Variants in ZNF407 observed in about 807,000 individuals in gnomAD.
ZNF407 encodes the protein zinc finger protein 407.
ZNF407 carries 17 observed loss-of-function variants against 131.2 expected under a neutral mutation model. The observed-to-expected ratio is 0.13, with a 90% CI of 0.09 to 0.19. The LOEUF (loss-of-function observed/expected upper bound fraction) is 0.19, where lower values mean the gene tolerates loss of function less well. Among genes scored for constraint, ZNF407 ranks in the 10% least tolerant of loss-of-function variants. The probability of loss-of-function intolerance (pLI) is 1.00; values close to 1 mark genes in which losing one functional copy is unlikely to be tolerated. For synonymous variants in ZNF407, 1,156 were observed against 1,062.0 expected (o/e 1.09, Z -1.72); for missense variants, 2,681 against 2,830.6 (o/e 0.95, Z 1.20).
chr18:75,012,316 T>C lies in ZNF407; in HGVS notation c.5429-50834T>C, dbSNP rs570683469. ...ACATAGTGTATGTACACATAGTGTA[T>C]GTACACATAGTGTATGTACACATAG... On this transcript the variant is annotated intron_variant, in intron 8 of 8. Coordinates refer to ENST00000299687, the MANE Select transcript of ZNF407 (RefSeq NM_017757.3). Among the ~76,000 whole-genome samples the C allele has an allele frequency of 6.0e-4, 61 of 101,842 alleles. 1 individual carries two copies. Among genetic ancestry groups the C allele is most frequent in the African/African-American group, 7.7e-4 (22 of 28,694 alleles). 66.8% of individuals were successfully genotyped at this position (101,842 alleles called of 152,430 possible).
chr18:74,822,262 T>C (rs1048141780), intron 4 of ZNF407, among the ~76,000 whole-genome samples: 6 of 152,210 alleles, frequency 3.9e-5, no homozygotes, highest in Non-Finnish European at 7.3e-5. Flanking sequence ...AGAAGCTCTT[T>C]AGTTTAATTA....
chr18:74,639,731 C>T (rs530654847), intron 2 of ZNF407, among the ~76,000 whole-genome samples: 1 of 152,102 alleles, frequency 6.6e-6, no homozygotes, highest in Non-Finnish European at 1.5e-5. Context: ...TCTGCCGGTG[C>T]TTAGTACTGT....
At chr18:74,816,660 T>C (rs897545716) in intron 4 of ZNF407, among the ~76,000 whole-genome samples, 1 of 152,254 alleles carries the variant, frequency 6.6e-6, no homozygotes, top group African/African-American at 2.4e-5. Context: ...ATATGACATT[T>C]GTCATTTAAA....
intron 1 of ZNF407, among the ~76,000 whole-genome samples, chr18:74,609,328 A>G (rs916040137): frequency 2.0e-5 from 3 of 152,188 alleles, no homozygotes; most frequent in African/African-American, 7.2e-5. Flanking sequence ...CAGAGTATAC[A>G]AACCTAGATG....
In ZNF407 at chr18:74,691,096, TG is replaced by T. The variant is rs572542404; in HGVS notation, c.4802+49976del. On this transcript the variant is annotated intron_variant, in intron 3 of 8. Coordinates refer to ENST00000299687, the MANE Select transcript of ZNF407 (RefSeq NM_017757.3). ...GAGTTCGAGACCAGCGTGGCCAACA[TG>T]GTGAAATCCTATCTCTACTAAAAAT... is the stretch of plus-strand genomic sequence containing the variant. Among the ~76,000 whole-genome samples the T allele has an allele frequency of 4.3e-3, 651 of 152,038 alleles. 5 individuals are homozygous for T. Among genetic ancestry groups the T allele is most frequent in the African/African-American group, 0.015 (620 of 41,482 alleles).
At chr18:74,735,720 A>G (rs1968396784) in intron 3 of ZNF407, among the ~76,000 whole-genome samples, 2 of 152,240 alleles carry the variant, frequency 1.3e-5, no homozygotes, top group Non-Finnish European at 2.9e-5. Flanking sequence ...CTCTTTGTCC[A>G]TGATCAACTT....
At chr18:74,625,901 G>C (rs573574159) in intron 1 of ZNF407, among the ~76,000 whole-genome samples, 2 of 152,078 alleles carry the variant, frequency 1.3e-5, no homozygotes, top group East Asian at 3.9e-4. Context: ...AGCGTGTAGA[G>C]ACAGAAAATA....
At chr18:74,748,830 G>T (rs181877773) in intron 3 of ZNF407, among the ~76,000 whole-genome samples, 1 of 152,228 alleles carries the variant, frequency 6.6e-6, no homozygotes, top group East Asian at 1.9e-4. Context: ...AAAATATAGT[G>T]CAGTGACTTC....
intron 8 of ZNF407, among the ~76,000 whole-genome samples, chr18:74,921,574 C>T (rs1219584664): frequency 6.6e-6 from 1 of 152,176 alleles, no homozygotes; most frequent in Non-Finnish European, 1.5e-5. Flanking sequence ...CATATGACCT[C>T]AGGCAGGCTG....
intron 3 of ZNF407, among the ~76,000 whole-genome samples, chr18:74,682,296 G>C (rs1967002741): frequency 6.6e-6 from 1 of 152,148 alleles, no homozygotes; most frequent in African/African-American, 2.4e-5. Flanking sequence ...CCCTGTTCTT[G>C]GCATTGAAAA....
intron 3 of ZNF407, among the ~76,000 whole-genome samples, chr18:74,705,571 A>G (rs1967605935): frequency 6.6e-6 from 1 of 152,242 alleles, no homozygotes; most frequent in South Asian, 2.1e-4. Flanking sequence ...CTTTTTGAAT[A>G]TAGCTCGCTC....
intron 3 of ZNF407, among the ~76,000 whole-genome samples, chr18:74,645,371 A>G (rs1984923869): frequency 6.6e-6 from 1 of 152,118 alleles, no homozygotes; most frequent in South Asian, 2.1e-4. Flanking sequence ...TGAGAAGCGC[A>G]GACCCTGGTG....
intron 3 of ZNF407, among the ~76,000 whole-genome samples, chr18:74,763,691 C>T (rs1969153600): frequency 6.8e-6 from 1 of 146,346 alleles, no homozygotes; most frequent in African/African-American, 2.5e-5. Context: ...AATCTGTTGT[C>T]ATTCTTATCT....
At chr18:74,919,236 G>A (rs1231285650) in intron 7 of ZNF407, among the ~76,000 whole-genome samples, 28 of 152,206 alleles carry the variant, frequency 1.8e-4, no homozygotes, top group Non-Finnish European at 1.5e-5. Flanking sequence ...GACTGCCTTT[G>A]TGTGTGAGAG....
intron 4 of ZNF407, among the ~76,000 whole-genome samples, chr18:74,853,328 C>A (rs112129132): frequency 6.6e-6 from 1 of 152,158 alleles, no homozygotes; most frequent in Non-Finnish European, 1.5e-5. Context: ...GATGGAGGAG[C>A]TTTTGTTCAC....
rs1984084478 is a variant in ZNF407 at position 74,631,587 on chromosome 18, A to G, written c.568A>G (p.Ile190Val). Reference protein sequence around the residue: ...GNVDTVLKCSICGHLFSSCSD... With the variant: ...GNVDTVLKCSVCGHLFSSCSD... The stretch of plus-strand genomic sequence containing the variant: ...TGTAGATACAGTTCTCAAATGCAGC[A>G]TCTGTGGGCATTTGTTTTCTTCTTG... Residue 190 changes from isoleucine to valine, a missense_variant, in exon 2 of 9, where the codon ATC becomes GTC. Physicochemically the swap from Ile to Val is conservative, Grantham distance 29. Transcript: ENST00000299687. The G allele has an allele frequency of 6.2e-7, 1 of 1,613,818 alleles. No homozygotes were observed. The highest frequency in any genetic ancestry group is 8.5e-7 in the Non-Finnish European group (1 of 1,179,896).
chr18:75,050,289 TAAGAA>T (rs1973484585), intron 8 of ZNF407, among the ~76,000 whole-genome samples: 1 of 152,196 alleles, frequency 6.6e-6, no homozygotes, highest in Non-Finnish European at 1.5e-5. Flanking sequence ...ATTTACTCTT[TAAGAA>T]AATAAGTATT....
intron 3 of ZNF407, among the ~76,000 whole-genome samples, chr18:74,775,973 T>C (rs1002593747): frequency 1.3e-5 from 2 of 152,218 alleles, no homozygotes; most frequent in African/African-American, 4.8e-5. Flanking sequence ...TCTGCCTCCG[T>C]GACCAATCAC....
intron 1 of ZNF407, among the ~76,000 whole-genome samples, chr18:74,615,872 T>G (rs148769990): frequency 1.2e-3 from 179 of 152,066 alleles, no homozygotes; most frequent in East Asian, 0.011. Flanking sequence ...TGTTGTTGTT[T>G]TTTTTTTTAA....
Sources: allele counts gnomAD v4.1 joint callset (sites outside exome capture counted in the v4.1 genomes callset), GRCh38; gene constraint gnomAD v4.1.1; transcripts MANE v1.5; gene names NCBI Gene and HGNC (gene_info 2026-07-23, HGNC 2026-07-21).